The following KNL1 variants were observed in gnomAD, a reference collection of about 807,000 sequenced individuals.
The protein encoded by KNL1 is kinetochore scaffold 1, also known as outer kinetochore KNL1 complex subunit KNL1.
A neutral mutation model predicts 201.3 loss-of-function variants in KNL1; 66 were observed. That is an observed-to-expected ratio of 0.33 (90% CI 0.27 to 0.40). The LOEUF is 0.40. Among genes scored for constraint, KNL1 ranks in the 10% least tolerant of loss-of-function variants. The pLI, the probability that KNL1 is intolerant of heterozygous loss-of-function variation, is 1.00. For synonymous variants in KNL1, 895 were observed against 899.2 expected (o/e 1.00, Z 0.08); for missense variants, 2,815 against 2,690.5 (o/e 1.05, Z -1.02).
intron 10 of KNL1, 59 bp downstream of exon 10, chr15:40,625,699 T>A: frequency 7.4e-7 from 1 of 1,347,028 alleles, no homozygotes; most frequent in Non-Finnish European, 1.0e-6. Context: ...TTTGTTTTCT[T>A]AAATTGTGGG....
intron 22 of KNL1, among the ~76,000 whole-genome samples, chr15:40,656,440 G>A (rs1156705356): frequency 6.6e-6 from 1 of 151,838 alleles, no homozygotes; most frequent in Non-Finnish European, 1.5e-5. Flanking sequence ...CTCAAAAAAA[G>A]AAATGAAATC....
chr15:40,646,146 G>A (rs1300279949), intron 16 of KNL1, among the ~76,000 whole-genome samples: 1 of 152,140 alleles, frequency 6.6e-6, no homozygotes, highest in Non-Finnish European at 1.5e-5. Context: ...AAAATGATTA[G>A]CTTTTTTAAA....
At chr15:40,602,992 AT>A (rs1566998789) in intron 2 of KNL1, 26 bp downstream of exon 2, 1 of 1,455,328 alleles carries the variant, frequency 6.9e-7, no homozygotes. Context: ...GCAGCTAAAA[AT>A]ATTATATTCT....
chr15:40,614,049 C>G (rs561577149), intron 7 of KNL1, among the ~76,000 whole-genome samples: 1 of 151,134 alleles, frequency 6.6e-6, no homozygotes, highest in South Asian at 2.1e-4. Context: ...CCACCCGCCT[C>G]GGCCTCCCAA....
At chr15:40,653,872 G>GT (rs34150314) in intron 21 of KNL1, among the ~76,000 whole-genome samples, 2 of 151,766 alleles carry the variant, frequency 1.3e-5, no homozygotes, top group South Asian at 4.1e-4. Context: ...CCCGAACGCT[G>GT]TTTTCCCCCA....
intron 1 of KNL1, among the ~76,000 whole-genome samples, chr15:40,600,236 G>A (rs546984929): frequency 5.0e-4 from 76 of 151,980 alleles, no homozygotes; most frequent in Middle Eastern, 3.4e-3. Context: ...CCACCATGTC[G>A]ACTAGTTTTT....
chr15:40,645,167 T>G (rs1052890477), intron 15 of KNL1, 80 bp downstream of exon 15: 2 of 930,904 alleles, frequency 2.1e-6, no homozygotes, highest in South Asian at 1.4e-5. Context: ...TAACTGTTAC[T>G]TGGTCATAGT....
chr15:40,594,468 G>T (rs772275026), intron 1 of KNL1, 76 bp downstream of exon 1: 1 of 152,266 alleles, frequency 6.6e-6, no homozygotes, highest in African/African-American at 2.4e-5. Context: ...AAGTTCCTGC[G>T]GTGGGAGGTA....
chr15:40,611,479 A>C lies in KNL1; in HGVS notation c.252A>C (p.Glu84Asp). Residue 84 changes from glutamate to aspartate, a missense_variant and splice_region_variant, in exon 7 of 26, where the codon GAA (glutamate) becomes GAC (aspartate). Around this residue, in one of 3 missense-constraint regions of KNL1, gnomAD observed 2,464 missense variants for 2,291.7 expected, o/e 1.08. Transcript: ENST00000399668. ...MKIVRKSEME[E>D]TETGENLLLI... ...ATTTAATTTTAATTTTATTTTTAGA[A>C]ACAGAAACAGGAGAAAATCTTCTTT... is the stretch of plus-strand genomic sequence containing the variant. 4.2e-6 allele frequency: 1 copy of C among 238,530 alleles called. No individual in the cohort carries two copies. The highest frequency in any genetic ancestry group is 1.0e-4 in the South Asian group (1 of 9,962). The allele number at this position is 238,530 out of a possible 1,614,324, so 14.8% of individuals were successfully genotyped here.
At chr15:40,602,750 G>T (rs1217463622) in intron 1 of KNL1, among the ~76,000 whole-genome samples, 165 bp from the exon 2 acceptor site, 1 of 152,038 alleles carries the variant, frequency 6.6e-6, no homozygotes, top group Non-Finnish European at 1.5e-5. Flanking sequence ...CTCCCAAAGT[G>T]CTGGGATTAC....
chr15:40,625,320 A>G lies in KNL1; in HGVS notation c.5056A>G (p.Thr1686Ala), dbSNP rs775137182. Residue 1686 changes from threonine (T) to alanine (A), a missense_variant, in exon 10 of 26, where the codon ACT (threonine) becomes GCT (alanine). This residue lies in a region of KNL1 where 2,464 missense variants were observed against 2,291.7 expected (regional missense o/e 1.08). Transcript: ENST00000399668. Reference sequence around the variant, plus strand: ...CACAACTGATATAAATCACTTAGAAACTCAGCCGGTCTCTAGCAAAGATTC... The same window carrying G: ...CACAACTGATATAAATCACTTAGAAGCTCAGCCGGTCTCTAGCAAAGATTC... ...ADTTDINHLE[T>A]QPVSSKDSGI... The G allele has an allele frequency of 3.1e-6, 5 of 1,613,906 alleles. No homozygotes were observed. The highest frequency in any genetic ancestry group is 4.2e-6 in the Non-Finnish European group (5 of 1,179,990).
At chr15:40,617,344 A>G (rs951362692) in intron 8 of KNL1, among the ~76,000 whole-genome samples, 2 of 151,756 alleles carry the variant, frequency 1.3e-5, no homozygotes, top group East Asian at 1.9e-4. Flanking sequence ...ACTTAGTTTA[A>G]CTTCAGTGCT....
chr15:40,651,075 C>CAA (rs1048151803), intron 19 of KNL1, among the ~76,000 whole-genome samples: 3 of 116,154 alleles, frequency 2.6e-5, no homozygotes, highest in Non-Finnish European at 3.8e-5. Flanking sequence ...CAAATACAGG[C>CAA]AAAAAAAAAA....
At chr15:40,646,947 T>C (rs558529754) in intron 16 of KNL1, 40 bp from the exon 17 acceptor site, 3 of 849,268 alleles carry the variant, frequency 3.5e-6, no homozygotes, top group East Asian at 4.9e-5. Flanking sequence ...ATATTTTCTT[T>C]AGAGGTTTAA....
At chr15:40,653,882 A>G (rs1032184866) in intron 21 of KNL1, among the ~76,000 whole-genome samples, 2 of 151,830 alleles carry the variant, frequency 1.3e-5, no homozygotes, top group East Asian at 1.9e-4. Flanking sequence ...GTTTTCCCCC[A>G]CTTCACTAAT....
intron 21 of KNL1, 105 bp downstream of exon 21, chr15:40,652,210 A>G: frequency 3.4e-6 from 2 of 593,598 alleles, no homozygotes; most frequent in South Asian, 5.3e-5. Context: ...TGGCATGATG[A>G]GAGCACTGCT....
At chr15:40,606,730 C>G (rs1226897539) in intron 4 of KNL1, among the ~76,000 whole-genome samples, 1 of 152,204 alleles carries the variant, frequency 6.6e-6, no homozygotes, top group Non-Finnish European at 1.5e-5. Context: ...TCCTGAGTAG[C>G]TGGGACTACG....
intron 4 of KNL1, among the ~76,000 whole-genome samples, chr15:40,606,940 A>G (rs915526967): frequency 3.9e-5 from 6 of 152,034 alleles, no homozygotes; most frequent in Non-Finnish European, 7.4e-5. Context: ...TTTATTTTTT[A>G]TAGAGACAGG....
At position 40,619,151 on chromosome 15, in the gene KNL1, C is replaced by A. The variant is rs1383639888; in HGVS notation, c.375+140C>A. Reference sequence around the variant, plus strand: ...TAAACTGGAAAGGCTTCCTACCTTTCCAGTTAACTTAAGGATAGTTAAGTC... The same window carrying A: ...TAAACTGGAAAGGCTTCCTACCTTTACAGTTAACTTAAGGATAGTTAAGTC... On this transcript the variant is annotated intron_variant, in intron 9 of 25. Coordinates refer to ENST00000399668, the MANE Select transcript of KNL1 (RefSeq NM_144508.5). 3 of 644,514 alleles carry A rather than the reference C, an allele frequency of 4.7e-6. No individual in the cohort carries two copies. In the Admixed American group the frequency reaches 6.6e-5, roughly 14 times the overall value. The allele number at this position is 644,514 out of a possible 1,614,324, so 39.9% of individuals were successfully genotyped here. A position where few individuals can be genotyped will look rare whatever the true frequency, so the allele number is the denominator to read the frequency against.
Sources: allele counts gnomAD v4.1 joint callset (sites outside exome capture counted in the v4.1 genomes callset), GRCh38; gene constraint gnomAD v4.1.1; regional missense constraint gnomAD v4.1.1; transcripts MANE v1.5; gene names NCBI Gene and HGNC (gene_info 2026-07-23, HGNC 2026-07-21).